Variants in BEAN1 observed in about 807,000 individuals in gnomAD.
The protein encoded by BEAN1 is brain expressed associated with NEDD4 1, also known as protein BEAN1.
In BEAN1, 17 loss-of-function variants were observed where a neutral mutation model predicts 17.7. The observed-to-expected ratio is 0.96, with a 90% CI of 0.66 to 1.44. BEAN1 has a LOEUF of 1.44. BEAN1 is among the 40% of genes most tolerant of loss of function. BEAN1 has a pLI of 0.00. For missense variants in BEAN1, 359 were observed against 374.1 expected, an observed-to-expected ratio of 0.96 and a Z score of 0.33; for synonymous variants, 142 against 151.8, an observed-to-expected ratio of 0.94 and a Z score of 0.47.
intron 1 of BEAN1, among the ~76,000 whole-genome samples, chr16:66,432,462 AC>A (rs1163922164): frequency 6.6e-6 from 1 of 152,182 alleles, no homozygotes; most frequent in African/African-American, 2.4e-5. Flanking sequence ...AGTGCAACTG[AC>A]CGAAGTCCCT....
chr16:66,428,133 C>A (rs1961652210), intron 1 of BEAN1: 1 of 152,350 alleles, frequency 6.6e-6, no homozygotes, highest in African/African-American at 2.4e-5. Flanking sequence ...AGGCTGGCTG[C>A]GCAGCGCTGA....
chr16:66,452,068 T>G (rs1792636356), intron 2 of BEAN1, among the ~76,000 whole-genome samples: 1 of 152,186 alleles, frequency 6.6e-6, no homozygotes, highest in Non-Finnish European at 1.5e-5. Flanking sequence ...ATAATGTTTT[T>G]TGGAATCCAC....
At chr16:66,451,638 T>C (rs1174300011) in intron 2 of BEAN1, among the ~76,000 whole-genome samples, 1 of 152,254 alleles carries the variant, frequency 6.6e-6, no homozygotes, top group East Asian at 1.9e-4. Context: ...GCACCTATTA[T>C]GAGCCAGGCA....
Position 66,480,733 on chromosome 16 carries a change from G to A in BEAN1, c.588G>A (p.Glu196=), listed in dbSNP as rs1016250921. Reference sequence around the variant, plus strand: ...ACAGCCCTGGCCGACACCAGCAGGAGCAGAGGACCCCGGCCCAAGGTGGCC... The same window carrying A: ...ACAGCCCTGGCCGACACCAGCAGGAACAGAGGACCCCGGCCCAAGGTGGCC... ...SGHSPGRHQQ[E]QRTPAQGGLH... is the part of the protein sequence containing the mutation. The change falls in exon 5 of 5, where the codon GAG becomes GAA. Residue 196 remains glutamate, a synonymous_variant. Transcript: ENST00000536005. The A allele has an allele frequency of 5.8e-6, 9 of 1,551,518 alleles. No homozygotes were observed. The Admixed American group carries it at 7.8e-5, about 14-fold the overall frequency.
chr16:66,434,032 C>T lies in BEAN1; in HGVS notation c.-82-3563C>T, dbSNP rs1961911996. 6.6e-6 allele frequency among the ~76,000 whole-genome samples: 1 copy of T among 152,224 alleles called. No homozygotes were observed. The highest frequency in any genetic ancestry group is 1.5e-5 in the Non-Finnish European group (1 of 68,030). On this transcript the variant is annotated intron_variant, in intron 1 of 4. Coordinates refer to ENST00000536005, the MANE Select transcript of BEAN1 (RefSeq NM_001178020.3). The surrounding 1 kb of genome is among the most constrained non-coding windows in gnomAD (Gnocchi z 4.3). ...GTGGGAATGACGTGGACTTGCCACA[C>T]ACCATTCAGCCACTTCAAAGCCTGG...
intron 2 of BEAN1, among the ~76,000 whole-genome samples, chr16:66,438,412 G>A (rs1243924400): frequency 1.3e-5 from 2 of 152,078 alleles, no homozygotes; most frequent in Admixed American, 6.5e-5. Flanking sequence ...ACATGGTGAT[G>A]TGTGTTGTGA....
At chr16:66,450,941 C>A (rs1273575910) in intron 2 of BEAN1, 1 of 152,136 alleles carries the variant, frequency 6.6e-6, no homozygotes, top group African/African-American at 2.4e-5. Flanking sequence ...AAAAGGAATC[C>A]TGTGGGGGCT....
intron 2 of BEAN1, among the ~76,000 whole-genome samples, chr16:66,446,202 A>C (rs1292155820): frequency 6.6e-6 from 1 of 152,110 alleles, no homozygotes; most frequent in Non-Finnish European, 1.5e-5. Flanking sequence ...GTCTAAAAAA[A>C]AAAGGGGGGA....
intron 2 of BEAN1, among the ~76,000 whole-genome samples, chr16:66,438,602 G>A (rs7194892): frequency 0.26 from 39,263 of 151,966 alleles, 5,981 homozygotes; most frequent in African/African-American, 0.42. Flanking sequence ...GATCTTGCCC[G>A]TCGGCAGTCT....
At chr16:66,488,447 G>A (rs973481132) in intron 4 of BEAN1, among the ~76,000 whole-genome samples, 2 of 149,870 alleles carry the variant, frequency 1.3e-5, no homozygotes, top group Non-Finnish European at 3.0e-5. Flanking sequence ...TTGGGAGGCA[G>A]AGGTGGGAGG....
intron 4 of BEAN1, among the ~76,000 whole-genome samples, chr16:66,478,855 CT>C (rs1316876344): frequency 6.6e-6 from 1 of 152,110 alleles, no homozygotes; most frequent in East Asian, 1.9e-4. Flanking sequence ...GAACTGGGAC[CT>C]TCAGAGATAC....
At position 66,480,840 on chromosome 16, in the gene BEAN1, C is replaced by T. The variant is rs913554822; in HGVS notation, c.695C>T (p.Pro232Leu). Residue 232 changes from proline to leucine, a missense_variant, in exon 5 of 5, where the codon CCG becomes CTG. Transcript: ENST00000536005. ...CCCCCATCAGGCCTGCTGCCACTGC[C>T]GGGCCCAGACCCAGGGCCAAGGGGC... ...AGPPSGLLPL[P>L]GPDPGPRGSQ... 27 of 1,525,546 alleles carry T rather than the reference C, an allele frequency of 1.8e-5. No individual in the cohort carries two copies. The highest frequency in any genetic ancestry group is 2.5e-5 in the East Asian group (1 of 40,338). 94.5% of individuals were successfully genotyped at this position (1,525,546 alleles called of 1,614,324 possible). A position where few individuals can be genotyped will look rare whatever the true frequency, so the allele number is the denominator to read the frequency against.
chr16:66,478,108 CA>C (rs1171338773), intron 4 of BEAN1: 1 of 164,260 alleles, frequency 6.1e-6, no homozygotes, highest in Non-Finnish European at 1.3e-5. Flanking sequence ...GCTGTGGGAT[CA>C]ACTTCCCCCT....
chr16:66,469,551 G>T, intron 2 of BEAN1, 51 bp from the exon 3 acceptor site: 3 of 1,481,518 alleles, frequency 2.0e-6, no homozygotes, highest in Non-Finnish European at 2.7e-6. Flanking sequence ...GAGAAGGAAG[G>T]GGTGTGGCAG....
rs183604264 is a variant in BEAN1, at chr16:66,440,369, G to A, written c.25+2668G>A. 4.7e-3 allele frequency among the ~76,000 whole-genome samples: 721 copies of A among 152,172 alleles called. 5 individuals are homozygous for A. The highest frequency in any genetic ancestry group is 0.017 in the African/African-American group (694 of 41,504). On this transcript the variant is annotated intron_variant, in intron 2 of 4. Coordinates refer to ENST00000536005, the MANE Select transcript of BEAN1 (RefSeq NM_001178020.3). The stretch of plus-strand genomic sequence containing the variant: ...TCGTCTCGAACTCCTGACTTCAGGT[G>A]ATCTGCCTGCGTTGGCCTCCCAAAG...
intron 2 of BEAN1, 64 bp from the exon 3 acceptor site, chr16:66,469,538 G>T: frequency 6.9e-7 from 1 of 1,454,114 alleles, no homozygotes. Context: ...GGCAGCACGG[G>T]CAGAGAAGGA....
chr16:66,480,474 A>C (rs1597050332), intron 4 of BEAN1, 112 bp from the exon 5 acceptor site: 2 of 867,012 alleles, frequency 2.3e-6, no homozygotes, highest in Non-Finnish European at 1.7e-6. Context: ...GACAAGGCCC[A>C]CCCTGGTCCA....
At chr16:66,467,744 G>A (rs1233355703) in intron 2 of BEAN1, among the ~76,000 whole-genome samples, 1 of 152,144 alleles carries the variant, frequency 6.6e-6, no homozygotes, top group Non-Finnish European at 1.5e-5. Context: ...CCTCTCCAGG[G>A]GAGCGTCTTA....
intron 2 of BEAN1, among the ~76,000 whole-genome samples, chr16:66,439,689 A>AC (rs1962173442): frequency 6.6e-6 from 1 of 152,062 alleles, no homozygotes; most frequent in Non-Finnish European, 1.5e-5. Context: ...AAGACCCAAT[A>AC]CCTAGCATGC....
Sources: gnomAD v4.1 joint callset for allele counts (sites outside exome capture counted in the v4.1 genomes callset) on GRCh38, gnomAD v4.1.1 for gene constraint, Gnocchi (gnomAD v3.1) non-coding constraint, MANE v1.5 for transcripts, NCBI Gene and HGNC (gene_info 2026-07-23, HGNC 2026-07-21) for gene names.